The following MAST4 variants were observed in gnomAD, a reference collection of about 807,000 sequenced individuals.
MAST4 encodes microtubule-associated serine/threonine-protein kinase 4.
MAST4 carries 89 observed loss-of-function variants against 162.7 expected under a neutral mutation model. The ratio of observed to expected loss-of-function variants is 0.55; its 90% confidence interval spans 0.46 to 0.65. MAST4 has a LOEUF of 0.65. MAST4 is among the 30% of genes least tolerant of loss of function. The pLI, the probability that MAST4 is intolerant of heterozygous loss-of-function variation, is 0.00. For missense variants in MAST4, 3,153 were observed against 3,374.0 expected (o/e 0.93, Z 1.62); for synonymous variants, 1,479 against 1,361.1 (o/e 1.09, Z -1.91).
intron 3 of MAST4, among the ~76,000 whole-genome samples, chr5:66,845,504 C>T (rs1257575931): frequency 6.6e-6 from 1 of 152,060 alleles, no homozygotes; most frequent in African/African-American, 2.4e-5. Flanking sequence ...TTTCTTAATC[C>T]AGTCTATCAT....
chr5:66,714,786 G>A (rs966972732), intron 1 of MAST4, among the ~76,000 whole-genome samples: 5 of 152,154 alleles, frequency 3.3e-5, no homozygotes, highest in African/African-American at 1.2e-4. Flanking sequence ...GCTCACTTCC[G>A]GTCACTGGAG....
At chr5:66,871,967 A>T (rs918485564) in intron 3 of MAST4, among the ~76,000 whole-genome samples, 3 of 152,186 alleles carry the variant, frequency 2.0e-5, no homozygotes, top group African/African-American at 4.8e-5. Flanking sequence ...CTGTTTTTAA[A>T]CATCTGCCAT....
At chr5:66,788,607 C>CCAAGAAAAAAA in intron 2 of MAST4, 63 bp from the exon 3 acceptor site, 3 of 1,373,714 alleles carry the variant, frequency 2.2e-6, no homozygotes, top group Non-Finnish European at 3.0e-6. Context: ...CCCCCACCCC[C>CCAAGAAAAAAA]ATTGCAATAA....
chr5:66,834,067 A>T (rs1488854793), intron 3 of MAST4, among the ~76,000 whole-genome samples: 1 of 152,188 alleles, frequency 6.6e-6, no homozygotes, highest in East Asian at 1.9e-4. Context: ...CTCTGTCACC[A>T]CTAAGACTTG....
intron 1 of MAST4, among the ~76,000 whole-genome samples, chr5:66,624,146 GTTTTTTTTTT>G (rs200030700): frequency 1.4e-4 from 13 of 90,128 alleles, no homozygotes; most frequent in Non-Finnish European, 2.0e-4. Context: ...TTGTTAAAAT[GTTTTTTTTTT>G]TTTTTTTTTT....
At chr5:66,905,931 A>G (rs1306756088) in intron 4 of MAST4, among the ~76,000 whole-genome samples, 1 of 152,224 alleles carries the variant, frequency 6.6e-6, no homozygotes, top group African/African-American at 2.4e-5. Flanking sequence ...AGGCCTTAAA[A>G]GGTATCAGAC....
intron 23 of MAST4, among the ~76,000 whole-genome samples, chr5:67,147,524 C>T (rs983394867): frequency 6.6e-6 from 1 of 152,214 alleles, no homozygotes; most frequent in Admixed American, 6.5e-5. Context: ...TCTCTTTTAT[C>T]ATGACTACAT....
chr5:66,907,701 C>T (rs964042824), intron 4 of MAST4, among the ~76,000 whole-genome samples: 1 of 151,174 alleles, frequency 6.6e-6, no homozygotes, highest in Non-Finnish European at 1.5e-5. Context: ...CCTTGACTGC[C>T]TGTCTAGAAA....
At chr5:66,614,174 G>A (rs541169160) in intron 1 of MAST4, among the ~76,000 whole-genome samples, 6 of 152,224 alleles carry the variant, frequency 3.9e-5, no homozygotes, top group South Asian at 4.2e-4. Flanking sequence ...TCCCTGGCCC[G>A]GAACATCTTA....
chr5:67,063,381 G>A (rs546974714), intron 5 of MAST4, among the ~76,000 whole-genome samples: 1 of 152,278 alleles, frequency 6.6e-6, no homozygotes, highest in South Asian at 2.1e-4. Flanking sequence ...AGATCCATCT[G>A]CCCTGTGCCC....
At chr5:67,099,558 G>A (rs565376729) in intron 7 of MAST4, among the ~76,000 whole-genome samples, 4 of 152,062 alleles carry the variant, frequency 2.6e-5, no homozygotes, top group African/African-American at 7.2e-5. Context: ...TTCAAAATAC[G>A]CTTATTCTAA....
chr5:66,945,453 G>C (rs1743908732), intron 4 of MAST4, among the ~76,000 whole-genome samples: 1 of 152,114 alleles, frequency 6.6e-6, no homozygotes, highest in Admixed American at 6.6e-5. Flanking sequence ...ATACTATCAG[G>C]AAAGTTATCT....
At chr5:66,929,924 C>T (rs770012780) in intron 4 of MAST4, among the ~76,000 whole-genome samples, 4 of 152,270 alleles carry the variant, frequency 2.6e-5, no homozygotes, top group Admixed American at 6.5e-5. Flanking sequence ...CCTAATGAAG[C>T]GATAAACTAT....
At chr5:67,119,445 C>A (rs545926509) in intron 13 of MAST4, among the ~76,000 whole-genome samples, 5 of 152,048 alleles carry the variant, frequency 3.3e-5, no homozygotes, top group Non-Finnish European at 7.3e-5. Context: ...AAAGCAGGAG[C>A]AGTCTGTGTA....
intron 2 of MAST4, among the ~76,000 whole-genome samples, chr5:66,783,769 C>G (rs1398160116): frequency 6.6e-6 from 1 of 152,010 alleles, no homozygotes; most frequent in African/African-American, 2.4e-5. Flanking sequence ...TCTCTGCTTG[C>G]TTTACAATAT....
intron 3 of MAST4, among the ~76,000 whole-genome samples, chr5:66,818,307 A>C (rs1360065555): frequency 6.6e-6 from 1 of 152,188 alleles, no homozygotes; most frequent in Non-Finnish European, 1.5e-5. Flanking sequence ...GCTGCTCATC[A>C]GAGTCTTAGG....
intron 3 of MAST4, among the ~76,000 whole-genome samples, chr5:66,817,646 T>A (rs1756796066): frequency 6.6e-6 from 1 of 152,224 alleles, no homozygotes; most frequent in African/African-American, 2.4e-5. Context: ...AAAATATTCA[T>A]TGTCGTGCCT....
In MAST4 at chr5:67,142,103, G is replaced by A. The variant is rs373156631; in HGVS notation, c.2495-12G>A. ...AACACTTTCCTCTCTGTCTCTACCT[G>A]CCCCCTTCCAGGTGGTGCATATGAA... On this transcript the variant is annotated splice_polypyrimidine_tract_variant and intron_variant, in intron 19 of 28. Transcript: ENST00000403625. 31 of 1,612,812 alleles carry A rather than the reference G, an allele frequency of 1.9e-5. No homozygotes were observed. The East Asian group carries it at 3.3e-4, about 17-fold the overall frequency.
chr5:66,889,217 G>A (rs1762223887), intron 3 of MAST4, among the ~76,000 whole-genome samples: 2 of 152,302 alleles, frequency 1.3e-5, no homozygotes, highest in Admixed American at 6.5e-5. Context: ...GTGGAGCCTT[G>A]TGGGGCACAG....
Sources: gnomAD v4.1 joint callset for allele counts (sites outside exome capture counted in the v4.1 genomes callset) on GRCh38, gnomAD v4.1.1 for gene constraint, MANE v1.5 for transcripts, NCBI Gene and HGNC (gene_info 2026-07-23, HGNC 2026-07-21) for gene names.